PIK3AP1: variants seen among roughly 807,000 people sequenced by gnomAD.
PIK3AP1 encodes phosphoinositide 3-kinase adapter protein 1.
A neutral mutation model predicts 88.1 loss-of-function variants in PIK3AP1; 21 were observed. That is an observed-to-expected ratio of 0.24 (90% CI 0.17 to 0.34). The LOEUF is 0.34. Among genes scored for constraint, PIK3AP1 ranks in the 10% least tolerant of loss-of-function variants. The probability of loss-of-function intolerance (pLI) is 1.00; values close to 1 mark genes in which losing one functional copy is unlikely to be tolerated. For synonymous variants in PIK3AP1, 398 were observed against 400.0 expected, an observed-to-expected ratio of 1.00 and a Z score of 0.06; for missense variants, 828 against 1,035.7, an observed-to-expected ratio of 0.80 and a Z score of 2.75.
intron 2 of PIK3AP1, among the ~76,000 whole-genome samples, chr10:96,698,956 T>C (rs912888850): frequency 6.6e-6 from 1 of 152,064 alleles, no homozygotes; most frequent in Non-Finnish European, 1.5e-5. Context: ...GGTGGGTGGA[T>C]CACCTGAGGT....
intron 2 of PIK3AP1, among the ~76,000 whole-genome samples, chr10:96,671,597 A>C (rs1843847709): frequency 6.6e-6 from 1 of 152,152 alleles, no homozygotes; most frequent in African/African-American, 2.4e-5. Flanking sequence ...CAGGGGAGGG[A>C]GGAGGTGACA....
At chr10:96,675,436 T>C (rs2134257982) in intron 2 of PIK3AP1, among the ~76,000 whole-genome samples, 1 of 152,286 alleles carries the variant, frequency 6.6e-6, no homozygotes, top group Admixed American at 6.5e-5. Flanking sequence ...CCATGCTCAG[T>C]TATTGACTGG....
intron 13 of PIK3AP1, among the ~76,000 whole-genome samples, chr10:96,612,196 G>A (rs985549410): frequency 2.0e-5 from 3 of 152,058 alleles, no homozygotes; most frequent in Admixed American, 6.5e-5. Flanking sequence ...GCTCCTCTAC[G>A]TCCTGCTCCA....
chr10:96,624,488 G>T (rs571543542), intron 10 of PIK3AP1, among the ~76,000 whole-genome samples: 1 of 152,226 alleles, frequency 6.6e-6, no homozygotes, highest in South Asian at 2.1e-4. Context: ...ATCTATACGT[G>T]TATTATTACA....
intron 2 of PIK3AP1, among the ~76,000 whole-genome samples, chr10:96,686,742 G>A (rs769407900): frequency 4.0e-5 from 6 of 151,858 alleles, no homozygotes; most frequent in Non-Finnish European, 8.8e-5. Context: ...TGCAGACTGC[G>A]TGTGCAGCTG....
At chr10:96,606,736 T>C (rs1387279220) in intron 14 of PIK3AP1, among the ~76,000 whole-genome samples, 4 of 152,226 alleles carry the variant, frequency 2.6e-5, no homozygotes, top group Admixed American at 2.6e-4. Flanking sequence ...TTGTACTTTC[T>C]CTCCTCCGTT....
intron 6 of PIK3AP1, among the ~76,000 whole-genome samples, chr10:96,649,900 A>G (rs1449025668): frequency 2.0e-5 from 3 of 152,246 alleles, no homozygotes; most frequent in Non-Finnish European, 4.4e-5. Flanking sequence ...CTCAACCAAG[A>G]AAATGGACAT....
In PIK3AP1 at chr10:96,647,673, T is replaced by A. The variant is rs183723232; in HGVS notation, c.1185+986A>T. ...CTCTGTGCCTCCGTGAATCACTGTC[T>A]TGTAGATTTTCCAACACAGAGCAGA... On this transcript the variant is annotated intron_variant, in intron 7 of 16. Coordinates refer to ENST00000339364, the MANE Select transcript of PIK3AP1 (RefSeq NM_152309.3). 4.6e-5 allele frequency among the ~76,000 whole-genome samples: 7 copies of A among 152,348 alleles called. No homozygotes were observed. The East Asian group carries it at 1.3e-3, about 29-fold the overall frequency.
chr10:96,653,694 G>A (rs992753946), intron 3 of PIK3AP1, among the ~76,000 whole-genome samples: 1 of 151,768 alleles, frequency 6.6e-6, no homozygotes, highest in East Asian at 2.0e-4. Context: ...CACCATATTG[G>A]CCAGGCTGGT....
chr10:96,712,027 T>G (rs1218296700), intron 1 of PIK3AP1, among the ~76,000 whole-genome samples: 1 of 152,038 alleles, frequency 6.6e-6, no homozygotes, highest in East Asian at 1.9e-4. Context: ...GTGCTGGAAT[T>G]ACAGGCGTGA....
At chr10:96,700,960 C>G (rs1844290651) in intron 2 of PIK3AP1, 1 of 885,736 alleles carries the variant, frequency 1.1e-6, no homozygotes, top group South Asian at 5.2e-5. Context: ...CCATAATAGC[C>G]TATAACAGAC....
intron 2 of PIK3AP1, among the ~76,000 whole-genome samples, chr10:96,660,343 G>A (rs940652982): frequency 9.2e-5 from 14 of 152,048 alleles, no homozygotes; most frequent in Admixed American, 9.2e-4. Context: ...ACACATGGAT[G>A]GCAAAGAAGC....
intron 3 of PIK3AP1, among the ~76,000 whole-genome samples, chr10:96,655,850 T>G (rs1843607420): frequency 6.6e-6 from 1 of 152,198 alleles, no homozygotes; most frequent in Non-Finnish European, 1.5e-5. Context: ...TAAGTCCAAT[T>G]AAATCTCTTT....
At chr10:96,662,940 ATAAG>A (rs1843712637) in intron 2 of PIK3AP1, among the ~76,000 whole-genome samples, 2 of 149,436 alleles carry the variant, frequency 1.3e-5, no homozygotes, top group East Asian at 1.9e-4. Context: ...ATCTCAATAA[ATAAG>A]TAAATTAAAT....
intron 8 of PIK3AP1, among the ~76,000 whole-genome samples, chr10:96,632,078 C>T (rs986089842): frequency 6.6e-6 from 1 of 152,002 alleles, no homozygotes; most frequent in African/African-American, 2.4e-5. Context: ...GAGCATTCTA[C>T]AAAATAACTG....
At position 96,720,334 on chromosome 10, in the gene PIK3AP1, C is replaced by T; in HGVS notation, c.13+48G>A. 1 of 1,242,646 alleles carries T rather than the reference C, an allele frequency of 8.0e-7. No homozygotes were observed. The highest frequency in any genetic ancestry group is 1.0e-6 in the Non-Finnish European group (1 of 987,430). The allele number at this position is 1,242,646 out of a possible 1,614,324, so 77.0% of individuals were successfully genotyped here. On this transcript the variant is annotated intron_variant, in intron 1 of 16. Coordinates refer to ENST00000339364, the MANE Select transcript of PIK3AP1 (RefSeq NM_152309.3). This position sits in a 1 kb window ranked among gnomAD's most constrained non-coding sequence, Gnocchi z 4.6. ...AGCGCGCCTCAAGGGATGCGGGGTA[C>T]GAGAGAGGGGCCGGGAGCCCGGGGA...
At chr10:96,596,353 C>T (rs1033316509) in intron 16 of PIK3AP1, among the ~76,000 whole-genome samples, 1 of 152,238 alleles carries the variant, frequency 6.6e-6, no homozygotes, top group African/African-American at 2.4e-5. Context: ...TCTGCCTCCT[C>T]ACTGGCCCTG....
chr10:96,604,676 G>A (rs757431321), intron 14 of PIK3AP1, among the ~76,000 whole-genome samples: 1 of 152,144 alleles, frequency 6.6e-6, no homozygotes, highest in African/African-American at 2.4e-5. Context: ...GGACAAGACA[G>A]CAAAGGTATT....
At chr10:96,713,829 A>G (rs529934547) in intron 1 of PIK3AP1, among the ~76,000 whole-genome samples, 1 of 152,298 alleles carries the variant, frequency 6.6e-6, no homozygotes, top group African/African-American at 2.4e-5. Flanking sequence ...CTAACAGCAG[A>G]TCCTGCTCCT....
Sources: allele counts gnomAD v4.1 joint callset (sites outside exome capture counted in the v4.1 genomes callset), GRCh38; gene constraint gnomAD v4.1.1; non-coding constraint Gnocchi (gnomAD v3.1); transcripts MANE v1.5; gene names NCBI Gene and HGNC (gene_info 2026-07-23, HGNC 2026-07-21).